UST: variants seen among roughly 807,000 people sequenced by gnomAD.
The protein encoded by UST is uronyl 2-sulfotransferase.
In UST, 21 loss-of-function variants were observed where a neutral mutation model predicts 45.6. That is an observed-to-expected ratio of 0.46 (90% CI 0.33 to 0.66). The LOEUF (loss-of-function observed/expected upper bound fraction) is 0.66. Ranked by LOEUF, UST falls within the 30% of genes least tolerant of loss-of-function variation. The probability of loss-of-function intolerance (pLI) is 0.02; values close to 1 mark genes in which losing one functional copy is unlikely to be tolerated. For missense variants in UST, 463 were observed against 512.4 expected (o/e 0.90, Z 0.93); for synonymous variants, 215 against 200.6 (o/e 1.07, Z -0.61).
chr6:149,019,062 T>G (rs1775944325), intron 5 of UST, 77 bp from the exon 6 acceptor site: 7 of 1,088,932 alleles, frequency 6.4e-6, no homozygotes, highest in Non-Finnish European at 9.9e-6. Context: ...AATCATGAAT[T>G]TTACTTAAAC....
At chr6:148,845,346 T>C (rs951257937) in intron 1 of UST, among the ~76,000 whole-genome samples, 3 of 152,244 alleles carry the variant, frequency 2.0e-5, no homozygotes, top group Non-Finnish European at 4.4e-5. Flanking sequence ...AGAGTATGTA[T>C]TCTTTTTTCT....
intron 2 of UST, among the ~76,000 whole-genome samples, chr6:148,912,280 AG>A (rs891565720): frequency 2.6e-5 from 4 of 152,256 alleles, no homozygotes; most frequent in African/African-American, 9.6e-5. Flanking sequence ...AGTTCAAATA[AG>A]CCACTGAAAA....
intron 1 of UST, among the ~76,000 whole-genome samples, chr6:148,759,567 C>T (rs1233992659): frequency 2.1e-5 from 3 of 145,666 alleles, no homozygotes; most frequent in Non-Finnish European, 4.5e-5. Context: ...TAAAAGAATG[C>T]GGCGTACGCG....
intron 7 of UST, among the ~76,000 whole-genome samples, chr6:149,051,403 G>C (rs1225812852): frequency 1.3e-5 from 2 of 152,184 alleles, no homozygotes; most frequent in Admixed American, 1.3e-4. Context: ...GTGGTGGCGA[G>C]CATTCTGGAA....
chr6:148,978,173 G>C (rs1253404061), intron 5 of UST, among the ~76,000 whole-genome samples: 2 of 152,020 alleles, frequency 1.3e-5, no homozygotes, highest in African/African-American at 4.8e-5. Flanking sequence ...ATATCCCCAG[G>C]TGATAATTTT....
rs142580599 is a variant in UST, at chr6:148,902,980, A to G, written c.291+15951A>G. On this transcript the variant is annotated intron_variant, in intron 2 of 7. Coordinates refer to ENST00000367463, the MANE Select transcript of UST (RefSeq NM_005715.3). ...GTCTTTACATTTCACACTAAAGGTT[A>G]TTATAGGTATTTTTATTATTTTTTG... Among the ~76,000 whole-genome samples the G allele has an allele frequency of 6.0e-3, 906 of 152,198 alleles. 8 individuals are homozygous for G. The highest frequency in any genetic ancestry group is 0.031 in the Middle Eastern group (9 of 294).
intron 7 of UST, among the ~76,000 whole-genome samples, chr6:149,061,019 G>A (rs181209345): frequency 5.9e-5 from 9 of 152,242 alleles, no homozygotes; most frequent in East Asian, 3.9e-4. Flanking sequence ...TCTGGTCAGC[G>A]CGGAGTGTGC....
chr6:148,757,082 C>T (rs1776115244), intron 1 of UST, among the ~76,000 whole-genome samples: 1 of 152,250 alleles, frequency 6.6e-6, no homozygotes, highest in Non-Finnish European at 1.5e-5. Flanking sequence ...ACTGCAGCCT[C>T]AACCTCCTGG....
chr6:148,826,819 A>G (rs1406441678), intron 1 of UST, among the ~76,000 whole-genome samples: 1 of 152,134 alleles, frequency 6.6e-6, no homozygotes, highest in Non-Finnish European at 1.5e-5. Flanking sequence ...TCCTTGGCTC[A>G]TGCCCCCTAA....
At chr6:149,020,901 A>C (rs540872270) in intron 6 of UST, among the ~76,000 whole-genome samples, 6 of 152,370 alleles carry the variant, frequency 3.9e-5, no homozygotes, top group African/African-American at 1.4e-4. Context: ...TTTGAGTTCT[A>C]CATAAATACT....
chr6:149,034,834 TTCTCTCTCTCTCTCTCTC>T (rs60813679), intron 7 of UST, among the ~76,000 whole-genome samples: 3,062 of 45,546 alleles, frequency 0.067, 98 homozygotes, highest in East Asian at 0.13. Flanking sequence ...TTCATGCTCA[TTCTCTCTCTCTCTCTCTC>T]TCTCTCTCTC....
At chr6:148,764,011 G>GT (rs758242413) in intron 1 of UST, among the ~76,000 whole-genome samples, 41 of 152,212 alleles carry the variant, frequency 2.7e-4, no homozygotes, top group Non-Finnish European at 4.1e-4. Context: ...TTTTAGGATT[G>GT]TTTTTTCTAA....
intron 1 of UST, among the ~76,000 whole-genome samples, chr6:148,879,319 C>T (rs2114833230): frequency 6.6e-6 from 1 of 152,274 alleles, no homozygotes; most frequent in African/African-American, 2.4e-5. Flanking sequence ...TGTATAATCT[C>T]CCACCGGAAA....
intron 1 of UST, among the ~76,000 whole-genome samples, chr6:148,837,737 C>A (rs556109379): frequency 6.6e-6 from 1 of 151,608 alleles, no homozygotes; most frequent in Non-Finnish European, 1.5e-5. Flanking sequence ...ACTTTATCAC[C>A]CAGGCTGGAG....
At chr6:148,824,674 C>CTTTTTTTTTTTTTTTTTTTTTTTTTTTT in intron 1 of UST, among the ~76,000 whole-genome samples, 1 of 133,378 alleles carries the variant, frequency 7.5e-6, no homozygotes, top group Admixed American at 7.4e-5. Flanking sequence ...TATTTTCTTT[C>CTTTTTTTTTTTTTTTTTTTTTTTTTTTT]TTTTTTTTTT....
intron 3 of UST, 77 bp from the exon 4 acceptor site, chr6:148,953,795 T>C: frequency 1.4e-5 from 8 of 577,728 alleles, no homozygotes; most frequent in Non-Finnish European, 2.0e-5. Flanking sequence ...AAAAAAAGAG[T>C]GGGATACATA....
chr6:148,992,622 T>G lies in UST; in HGVS notation c.682-26517T>G, dbSNP rs183473181. Among the ~76,000 whole-genome samples, 279 of 152,248 alleles carry G rather than the reference T, an allele frequency of 1.8e-3. 1 individual carries two copies. Among genetic ancestry groups the G allele is most frequent in the African/African-American group, 6.4e-3 (265 of 41,534 alleles). The stretch of plus-strand genomic sequence containing the variant: ...GACTCTATTTGCATGAAAACTTGGT[T>G]GTGGTTGTAGTTTTGCTGTCCAACT... On this transcript the variant is annotated intron_variant, in intron 5 of 7. Transcript: ENST00000367463.
chr6:148,788,142 G>A (rs1345982660), intron 1 of UST, among the ~76,000 whole-genome samples: 3 of 152,108 alleles, frequency 2.0e-5, no homozygotes, highest in East Asian at 1.9e-4. Context: ...AGAGCCAAGC[G>A]AAACGGGTTT....
chr6:148,779,862 T>C (rs188063211), intron 1 of UST, among the ~76,000 whole-genome samples: 3 of 152,222 alleles, frequency 2.0e-5, no homozygotes, highest in African/African-American at 4.8e-5. Context: ...TTTCTCAGTG[T>C]TTTTTCCCCC....
Sources: allele counts gnomAD v4.1 joint callset (sites outside exome capture counted in the v4.1 genomes callset), GRCh38; gene constraint gnomAD v4.1.1; transcripts MANE v1.5; gene names NCBI Gene and HGNC (gene_info 2026-07-23, HGNC 2026-07-21).